KCNN2: variants seen among roughly 807,000 people sequenced by gnomAD.
KCNN2 encodes the protein potassium calcium-activated channel subfamily N member 2.
In KCNN2, 24 loss-of-function variants were observed where a neutral mutation model predicts 55.5. The observed-to-expected ratio is 0.43, with a 90% CI of 0.31 to 0.61. The LOEUF (loss-of-function observed/expected upper bound fraction) is 0.61. Ranked by LOEUF, KCNN2 falls within the 20% of genes least tolerant of loss-of-function variation. The pLI is 0.08. For synonymous variants in KCNN2, 431 were observed against 336.1 expected, an observed-to-expected ratio of 1.28 and a Z score of -3.09; for missense variants, 754 against 853.6, an observed-to-expected ratio of 0.88 and a Z score of 1.45.
intron 2 of KCNN2, among the ~76,000 whole-genome samples, chr5:114,251,397 A>T (rs1229074207): frequency 1.3e-5 from 2 of 152,234 alleles, no homozygotes; most frequent in Non-Finnish European, 2.9e-5. Flanking sequence ...CAAATTACTT[A>T]ACTTTTCTGA....
intron 2 of KCNN2, among the ~76,000 whole-genome samples, chr5:114,288,475 T>C: frequency 6.9e-6 from 1 of 145,234 alleles, no homozygotes; most frequent in African/African-American, 2.5e-5. Flanking sequence ...CTTGACATCT[T>C]TGCCATTACT....
chr5:114,404,883 A>T, intron 3 of KCNN2, 27 bp downstream of exon 3: 7 of 1,572,876 alleles, frequency 4.5e-6, no homozygotes, highest in Non-Finnish European at 6.0e-6. Flanking sequence ...TCCTGAGAAC[A>T]TAATTTACCA....
intron 3 of KCNN2, among the ~76,000 whole-genome samples, chr5:114,442,118 T>C (rs1760237303): frequency 1.3e-5 from 2 of 151,992 alleles, no homozygotes; most frequent in Non-Finnish European, 2.9e-5. Context: ...TGGTTCCTGG[T>C]TAGGAACAGG....
rs187913622 is a variant in KCNN2 at position 114,432,152 on chromosome 5, T to C, written c.1637+27296T>C. The stretch of plus-strand genomic sequence containing the variant: ...ATTTTCTGCCTGTTGGATCTATGAA[T>C]TACTAACAGAGAGATGTTGAAATCT... On this transcript the variant is annotated intron_variant, in intron 3 of 7. Coordinates refer to ENST00000673685, the MANE Select transcript of KCNN2 (RefSeq NM_021614.4). Among the ~76,000 whole-genome samples, 528 of 152,368 alleles carry C rather than the reference T, an allele frequency of 3.5e-3. 1 individual carries two copies. Among genetic ancestry groups the C allele is most frequent in the African/African-American group, 0.012 (487 of 41,582 alleles).
intron 2 of KCNN2, among the ~76,000 whole-genome samples, chr5:114,338,179 T>G (rs1436705732): frequency 6.6e-6 from 1 of 152,150 alleles, no homozygotes; most frequent in African/African-American, 2.4e-5. Flanking sequence ...CAAGCCCAAT[T>G]TGGTAGGTGA....
At chr5:114,390,481 A>G (rs1018827116) in intron 2 of KCNN2, among the ~76,000 whole-genome samples, 3 of 152,150 alleles carry the variant, frequency 2.0e-5, no homozygotes, top group Admixed American at 6.6e-5. Flanking sequence ...GGTTACATTT[A>G]TTGGAGGCCA....
At chr5:114,161,386 G>T in intron 1 of KCNN2, among the ~76,000 whole-genome samples, 1 of 136,958 alleles carries the variant, frequency 7.3e-6, no homozygotes, top group Non-Finnish European at 1.6e-5. Context: ...TAGTCTGATG[G>T]GCTTCCCTTT....
intron 3 of KCNN2, among the ~76,000 whole-genome samples, chr5:114,451,706 C>T (rs559221314): frequency 1.3e-5 from 2 of 152,120 alleles, no homozygotes; most frequent in East Asian, 3.9e-4. Context: ...ACCATCCTGC[C>T]TAACATGGTG....
chr5:114,362,674 G>C lies in KCNN2; in HGVS notation c.535G>C (p.Gly179Arg). ...PTGSLGSLGS[G>R]PPLSHHHHHP... ...GGGCAGCCTCGGCAGTCTGGGCTCC[G>C]GGCCCCCGCTCTCGCACCACCACCA... is the stretch of plus-strand genomic sequence containing the variant. The change falls in exon 1 of 8, where the codon GGG (glycine) becomes CGG (arginine). Residue 179 changes from glycine to arginine, a missense_variant. Coordinates refer to ENST00000673685, the MANE Select transcript of KCNN2 (RefSeq NM_021614.4). 1 of 1,425,644 alleles carries C rather than the reference G, an allele frequency of 7.0e-7. No homozygotes were observed. The highest frequency in any genetic ancestry group is 9.2e-7 in the Non-Finnish European group (1 of 1,090,698). The allele number at this position is 1,425,644 out of a possible 1,614,324, so 88.3% of individuals were successfully genotyped here. A position where few individuals can be genotyped will look rare whatever the true frequency, so the allele number is the denominator to read the frequency against.
chr5:114,296,367 C>G (rs1007021983), intron 2 of KCNN2, among the ~76,000 whole-genome samples: 1 of 152,136 alleles, frequency 6.6e-6, no homozygotes, highest in African/African-American at 2.4e-5. Context: ...AAGGAAGAAG[C>G]TGGAATCTTG....
intron 1 of KCNN2, among the ~76,000 whole-genome samples, chr5:114,094,212 G>A (rs758092252): frequency 6.7e-6 from 1 of 149,800 alleles, no homozygotes; most frequent in Non-Finnish European, 1.5e-5. Flanking sequence ...TATCTGTGTA[G>A]CTGTTTTGTG....
intron 2 of KCNN2, among the ~76,000 whole-genome samples, chr5:114,389,656 T>C (rs914901484): frequency 1.3e-5 from 2 of 152,154 alleles, no homozygotes; most frequent in Non-Finnish European, 2.9e-5. Context: ...TCTATACAAC[T>C]GAAGTTAAAA....
At chr5:114,193,573 C>T (rs887095471) in intron 1 of KCNN2, among the ~76,000 whole-genome samples, 2 of 152,148 alleles carry the variant, frequency 1.3e-5, no homozygotes, top group Non-Finnish European at 2.9e-5. Flanking sequence ...AATGCAGGTT[C>T]AGATTCTTCT....
chr5:114,230,025 T>C (rs373130207), intron 2 of KCNN2, among the ~76,000 whole-genome samples: 6 of 152,276 alleles, frequency 3.9e-5, no homozygotes, highest in African/African-American at 1.4e-4. Flanking sequence ...CGAATAGACC[T>C]AAAGGTGAGA....
intron 5 of KCNN2, among the ~76,000 whole-genome samples, chr5:114,480,415 A>G (rs1395564165): frequency 6.6e-6 from 1 of 152,164 alleles, no homozygotes; most frequent in African/African-American, 2.4e-5. Flanking sequence ...TCACAACTGA[A>G]TTTTACCAGA....
chr5:114,231,983 G>C (rs1580642830), intron 2 of KCNN2, among the ~76,000 whole-genome samples: 1 of 145,334 alleles, frequency 6.9e-6, no homozygotes, highest in Non-Finnish European at 1.5e-5. Context: ...TGAATTCAAA[G>C]CGTTGAATTC....
chr5:114,253,448 C>G (rs1006727900), intron 2 of KCNN2: 1 of 152,154 alleles, frequency 6.6e-6, no homozygotes, highest in African/African-American at 2.4e-5. Flanking sequence ...GAAATAAGTA[C>G]TAACAATGCT....
chr5:114,405,846 G>T (rs1758914331), intron 3 of KCNN2, among the ~76,000 whole-genome samples: 1 of 151,890 alleles, frequency 6.6e-6, no homozygotes, highest in Admixed American at 6.6e-5. Flanking sequence ...GAGTAGCTGG[G>T]ACTACAGGTG....
chr5:114,210,334 TG>T (rs1197779374), intron 1 of KCNN2, among the ~76,000 whole-genome samples: 3 of 152,128 alleles, frequency 2.0e-5, no homozygotes, highest in Admixed American at 2.0e-4. Flanking sequence ...ACATAATACA[TG>T]GTATGTATTG....
Sources: gnomAD v4.1 joint callset for allele counts (sites outside exome capture counted in the v4.1 genomes callset) on GRCh38, gnomAD v4.1.1 for gene constraint, MANE v1.5 for transcripts, NCBI Gene and HGNC (gene_info 2026-07-23, HGNC 2026-07-21) for gene names.